Variants in ATP8A2 observed in about 807,000 individuals in gnomAD.
ATP8A2 encodes phospholipid-transporting ATPase IB.
Under a neutral mutation model 165.6 loss-of-function variants are expected in ATP8A2, and 100 were observed. That is an observed-to-expected ratio of 0.60 (90% CI 0.51 to 0.71). ATP8A2 has a LOEUF of 0.71. Ranked by LOEUF, ATP8A2 falls within the 30% of genes least tolerant of loss-of-function variation. The probability of loss-of-function intolerance (pLI) is 0.00; values close to 1 mark genes in which losing one functional copy is unlikely to be tolerated. For synonymous variants in ATP8A2, 543 were observed against 548.8 expected, an observed-to-expected ratio of 0.99 and a Z score of 0.15; for missense variants, 1,227 against 1,479.5, an observed-to-expected ratio of 0.83 and a Z score of 2.80.
intron 1 of ATP8A2, among the ~76,000 whole-genome samples, chr13:25,433,212 C>A (rs2034663688): frequency 6.6e-6 from 1 of 152,134 alleles, no homozygotes; most frequent in South Asian, 2.1e-4. Flanking sequence ...GTGTTATGGA[C>A]TATCTCTGAA....
intron 23 of ATP8A2, 140 bp from the exon 24 acceptor site, chr13:25,589,495 C>G: frequency 1.7e-6 from 1 of 583,948 alleles, no homozygotes; most frequent in Non-Finnish European, 3.1e-6. Context: ...AATCAACTTA[C>G]TTTTCCTACT....
At chr13:25,960,564 T>C (rs1173287592) in intron 33 of ATP8A2, among the ~76,000 whole-genome samples, 2 of 152,190 alleles carry the variant, frequency 1.3e-5, no homozygotes, top group African/African-American at 4.8e-5. Flanking sequence ...TCACACTAAC[T>C]TGAGTCCCTT....
At chr13:25,820,130 C>T (rs1337715261) in intron 27 of ATP8A2, among the ~76,000 whole-genome samples, 1 of 152,134 alleles carries the variant, frequency 6.6e-6, no homozygotes, top group Non-Finnish European at 1.5e-5. Flanking sequence ...TACAACCCGC[C>T]GAGGTTGGAC....
Position 25,968,665 on chromosome 13 carries a change from T to C in ATP8A2, c.3363T>C (p.Asp1121=), listed in dbSNP as rs1385422581. 3.1e-6 allele frequency: 5 copies of C among 1,613,386 alleles called. No individual in the cohort carries two copies. The highest frequency in any genetic ancestry group is 4.2e-6 in the Non-Finnish European group (5 of 1,179,844). Residue 1121 remains aspartate, a synonymous_variant, in exon 35 of 37, where the codon GAT becomes GAC. Transcript: ENST00000381655. ...SRVLGKAVLR[D]SNGKRLNERD... ...TCCTGGGAAAAGCGGTGCTGCGGGA[T>C]AGCAATGGAAAGAGGTGGGGAACTC...
At position 25,653,814 on chromosome 13, in the gene ATP8A2, C is replaced by G. The variant is rs1007100508; in HGVS notation, c.2212-45359C>G. Among the ~76,000 whole-genome samples the G allele has an allele frequency of 1.7e-4, 26 of 152,214 alleles. No homozygotes were observed. In the Middle Eastern group the frequency reaches 0.02, roughly 119 times the overall value. On this transcript the variant is annotated intron_variant, in intron 24 of 36. Transcript: ENST00000381655. The stretch of plus-strand genomic sequence containing the variant: ...CCAAATGAAATCTGTTCCAACTTTT[C>G]AGGCAGAGGAGGATAAGCATATGAG...
chr13:25,840,521 T>A (rs1409325390), intron 30 of ATP8A2, among the ~76,000 whole-genome samples: 2 of 152,214 alleles, frequency 1.3e-5, no homozygotes, highest in East Asian at 3.8e-4. Context: ...GATATAGTCT[T>A]TCAATTTCAT....
intron 18 of ATP8A2, among the ~76,000 whole-genome samples, chr13:25,572,758 A>G (rs1409464100): frequency 6.6e-6 from 1 of 152,196 alleles, no homozygotes; most frequent in Non-Finnish European, 1.5e-5. Context: ...CATTTGGGGA[A>G]GACGCAGGGA....
intron 35 of ATP8A2, among the ~76,000 whole-genome samples, chr13:25,979,488 G>A (rs1409540619): frequency 6.6e-6 from 1 of 152,176 alleles, no homozygotes; most frequent in African/African-American, 2.4e-5. Flanking sequence ...GTGATAATAT[G>A]ATTATTCAGT....
At chr13:25,968,488 C>A in intron 34 of ATP8A2, 87 bp from the exon 35 acceptor site, 1 of 1,163,632 alleles carries the variant, frequency 8.6e-7, no homozygotes, top group Non-Finnish European at 1.3e-6. Flanking sequence ...GGGCATTTGG[C>A]TGTGGCCTGA....
chr13:25,424,110 TG>T (rs1489848564), intron 1 of ATP8A2, among the ~76,000 whole-genome samples: 2 of 152,152 alleles, frequency 1.3e-5, no homozygotes, highest in African/African-American at 4.8e-5. Flanking sequence ...GAAATAGAGC[TG>T]AGAAGGGGAT....
intron 27 of ATP8A2, among the ~76,000 whole-genome samples, chr13:25,791,497 TAACA>T (rs2045171940): frequency 6.6e-6 from 1 of 150,516 alleles, no homozygotes; most frequent in African/African-American, 2.5e-5. Context: ...TTTACCTATG[TAACA>T]AACCTGCACA....
At chr13:26,006,532 A>T (rs1956741856) in intron 35 of ATP8A2, among the ~76,000 whole-genome samples, 1 of 151,978 alleles carries the variant, frequency 6.6e-6, no homozygotes, top group Non-Finnish European at 1.5e-5. Flanking sequence ...TTTGGTTAGA[A>T]CTTCAGTAAG....
intron 24 of ATP8A2, among the ~76,000 whole-genome samples, chr13:25,592,703 G>A (rs188748255): frequency 6.6e-6 from 1 of 152,198 alleles, no homozygotes; most frequent in Non-Finnish European, 1.5e-5. Flanking sequence ...ACTCAGAAAT[G>A]AGCCTCTGTT....
At chr13:25,638,285 G>A (rs1461588983) in intron 24 of ATP8A2, among the ~76,000 whole-genome samples, 1 of 152,192 alleles carries the variant, frequency 6.6e-6, no homozygotes, top group Non-Finnish European at 1.5e-5. Flanking sequence ...GAGAGAAGAA[G>A]GCTTCAGACG....
At chr13:25,683,219 C>G (rs1371613618) in intron 24 of ATP8A2, among the ~76,000 whole-genome samples, 2 of 152,138 alleles carry the variant, frequency 1.3e-5, no homozygotes, top group Non-Finnish European at 2.9e-5. Flanking sequence ...GCACATTGCC[C>G]TTAGACATTA....
intron 24 of ATP8A2, among the ~76,000 whole-genome samples, chr13:25,597,176 A>C (rs1054547675): frequency 6.6e-6 from 1 of 152,154 alleles, no homozygotes; most frequent in Non-Finnish European, 1.5e-5. Flanking sequence ...TGTTTCATAG[A>C]TGTCTGTTGC....
chr13:25,964,916 T>C (rs967806039), intron 34 of ATP8A2, among the ~76,000 whole-genome samples: 10 of 152,196 alleles, frequency 6.6e-5, no homozygotes, highest in East Asian at 1.9e-4. Flanking sequence ...TCCCAGCACT[T>C]TGGGAGGCCG....
chr13:25,724,347 G>C (rs1158765169), intron 25 of ATP8A2, among the ~76,000 whole-genome samples: 1 of 152,188 alleles, frequency 6.6e-6, no homozygotes. Flanking sequence ...CTAACAAGCG[G>C]TAGAAATGGG....
intron 25 of ATP8A2, among the ~76,000 whole-genome samples, chr13:25,765,486 C>T (rs757313884): frequency 1.3e-5 from 2 of 152,146 alleles, no homozygotes; most frequent in Admixed American, 6.6e-5. Flanking sequence ...AGTGGTGCCT[C>T]TTCATTTCTG....
Sources: allele counts gnomAD v4.1 joint callset (sites outside exome capture counted in the v4.1 genomes callset), GRCh38; gene constraint gnomAD v4.1.1; transcripts MANE v1.5; gene names NCBI Gene and HGNC (gene_info 2026-07-23, HGNC 2026-07-21).